The following COL25A1 variants were observed in gnomAD, a reference collection of about 807,000 sequenced individuals.
COL25A1 encodes collagen alpha-1(XXV) chain.
COL25A1 carries 103 observed loss-of-function variants against 128.4 expected under a neutral mutation model. The ratio of observed to expected loss-of-function variants is 0.80; its 90% CI spans 0.68 to 0.94. The LOEUF is 0.94. COL25A1 is among the 40% of genes least tolerant of loss of function. The pLI is 0.00. For missense variants in COL25A1, 745 were observed against 840.0 expected (o/e 0.89, Z 1.40); for synonymous variants, 279 against 277.2 (o/e 1.01, Z -0.06).
At chr4:109,126,885 T>C (rs1428109319) in intron 3 of COL25A1, among the ~76,000 whole-genome samples, 1 of 151,852 alleles carries the variant, frequency 6.6e-6, no homozygotes, top group African/African-American at 2.4e-5. Flanking sequence ...TGTGCACATG[T>C]ACCCTAAAAC....
Position 108,833,773 on chromosome 4 carries a change from A to G in COL25A1, c.1657-1340T>C, listed in dbSNP as rs376997145. On this transcript the variant is annotated intron_variant, in intron 31 of 37. Coordinates refer to ENST00000399132, the MANE Select transcript of COL25A1 (RefSeq NM_198721.4). ...TTCTTACTGCCTGAATTCAAAGTTC[A>G]CCTTCAGAAGACTTCTAAATACTGA... Among the ~76,000 whole-genome samples the G allele has an allele frequency of 5.3e-5, 8 of 152,320 alleles. No homozygotes were observed. The South Asian group carries it at 1.7e-3, about 32-fold the overall frequency.
chr4:109,177,917 G>A (rs943378330), intron 3 of COL25A1, among the ~76,000 whole-genome samples: 2 of 152,170 alleles, frequency 1.3e-5, no homozygotes, highest in African/African-American at 4.8e-5. Context: ...AGAGAGACAT[G>A]TTAATCTTGT....
chr4:109,301,048 C>T (rs918893650), intron 2 of COL25A1, among the ~76,000 whole-genome samples: 1 of 152,116 alleles, frequency 6.6e-6, no homozygotes, highest in East Asian at 1.9e-4. Context: ...GCTGCAACTA[C>T]TGCCAAATAG....
At chr4:109,032,549 G>A (rs890967553) in intron 5 of COL25A1, among the ~76,000 whole-genome samples, 3 of 152,068 alleles carry the variant, frequency 2.0e-5, no homozygotes, top group African/African-American at 4.8e-5. Context: ...TCCTCACTTC[G>A]CACTGCAATA....
chr4:108,998,181 A>G (rs1754970473), intron 6 of COL25A1, among the ~76,000 whole-genome samples: 1 of 152,194 alleles, frequency 6.6e-6, no homozygotes, highest in South Asian at 2.1e-4. Flanking sequence ...GAGGAAGTCA[A>G]ATTGTCTCTG....
chr4:109,009,874 G>T (rs1041353617), intron 6 of COL25A1, among the ~76,000 whole-genome samples: 1 of 151,972 alleles, frequency 6.6e-6, no homozygotes, highest in Non-Finnish European at 1.5e-5. Flanking sequence ...TCTGTTGACC[G>T]CATTCATGCT....
chr4:108,994,294 G>GAA (rs1434387612), intron 6 of COL25A1, among the ~76,000 whole-genome samples: 2 of 152,232 alleles, frequency 1.3e-5, no homozygotes, highest in African/African-American at 4.8e-5. Flanking sequence ...TGGCAGAACA[G>GAA]AAGATACTCT....
intron 31 of COL25A1, chr4:108,834,209 G>T (rs772396090): frequency 5.1e-6 from 4 of 785,654 alleles, no homozygotes; most frequent in South Asian, 3.7e-5. Flanking sequence ...CCCTTTTGCC[G>T]CCATCTTTGT....
intron 5 of COL25A1, among the ~76,000 whole-genome samples, chr4:109,012,653 C>T (rs975200549): frequency 3.3e-5 from 5 of 152,048 alleles, no homozygotes; most frequent in Admixed American, 6.5e-5. Flanking sequence ...CCAGGTCCCC[C>T]GGCACTGCTG....
At chr4:109,092,351 C>T (rs546802997) in intron 3 of COL25A1, among the ~76,000 whole-genome samples, 15 of 152,080 alleles carry the variant, frequency 9.9e-5, no homozygotes, top group African/African-American at 3.4e-4. Flanking sequence ...TGTGGTGGTG[C>T]GCAGTCTCAG....
chr4:109,069,040 A>T (rs1056247690), intron 3 of COL25A1, among the ~76,000 whole-genome samples: 2 of 152,040 alleles, frequency 1.3e-5, no homozygotes, highest in African/African-American at 4.8e-5. Flanking sequence ...AGCCCTCAAG[A>T]AATATGAATT....
intron 8 of COL25A1, among the ~76,000 whole-genome samples, chr4:108,944,578 C>G (rs1748507036): frequency 1.3e-5 from 2 of 152,210 alleles, no homozygotes; most frequent in South Asian, 4.1e-4. Flanking sequence ...AACCTTTTAG[C>G]AGCACACATG....
At chr4:108,889,855 T>A in intron 16 of COL25A1, 122 bp from the exon 17 acceptor site, 1 of 744,140 alleles carries the variant, frequency 1.3e-6, no homozygotes, top group Non-Finnish European at 2.3e-6. Flanking sequence ...TGTGCCTAAC[T>A]ACGTTCCAGA....
intron 3 of COL25A1, among the ~76,000 whole-genome samples, chr4:109,106,275 C>T (rs555863949): frequency 3.5e-4 from 53 of 152,250 alleles, no homozygotes; most frequent in African/African-American, 1.1e-3. Flanking sequence ...AATTTGAGAG[C>T]GATGAACAGT....
chr4:109,262,449 G>A (rs956556663), intron 3 of COL25A1, among the ~76,000 whole-genome samples: 1 of 152,074 alleles, frequency 6.6e-6, no homozygotes, highest in African/African-American at 2.4e-5. Context: ...GGGAGGCGGA[G>A]GTTACAGTGA....
chr4:109,259,421 A>G (rs1455194172), intron 3 of COL25A1, among the ~76,000 whole-genome samples: 2 of 152,238 alleles, frequency 1.3e-5, no homozygotes, highest in Admixed American at 1.3e-4. Context: ...ATCACTAGAA[A>G]AATGGGATTT....
chr4:109,173,786 ATTATC>A (rs754306552), intron 3 of COL25A1, among the ~76,000 whole-genome samples: 5 of 152,206 alleles, frequency 3.3e-5, no homozygotes, highest in Non-Finnish European at 7.3e-5. Context: ...CAGGCTGAGT[ATTATC>A]TTATCCAAAA....
rs999876780 is a variant in COL25A1, at chr4:108,871,619, T to C, written c.1021-2469A>G. Among the ~76,000 whole-genome samples the C allele has an allele frequency of 5.3e-5, 8 of 152,208 alleles. No homozygotes were observed. In the East Asian group the frequency reaches 7.7e-4, roughly 15 times the overall value. On this transcript the variant is annotated intron_variant, in intron 19 of 37. Coordinates refer to ENST00000399132, the MANE Select transcript of COL25A1 (RefSeq NM_198721.4). ...GCGTGAGCCACCGCACCGGGCCTGA[T>C]TGGCTAATTTTAAAGGCTTTGAGCA...
chr4:109,188,525 T>C (rs576126538), intron 3 of COL25A1, among the ~76,000 whole-genome samples: 4 of 152,240 alleles, frequency 2.6e-5, no homozygotes, highest in African/African-American at 9.6e-5. Flanking sequence ...GATAAAAGCC[T>C]ATTAGATGTG....
Sources: allele counts gnomAD v4.1 joint callset (sites outside exome capture counted in the v4.1 genomes callset), GRCh38; gene constraint gnomAD v4.1.1; transcripts MANE v1.5; gene names NCBI Gene and HGNC (gene_info 2026-07-23, HGNC 2026-07-21).